NR5A1: variants seen among roughly 807,000 people sequenced by gnomAD.
The protein encoded by NR5A1 is nuclear receptor subfamily 5 group A member 1.
In NR5A1, 6 loss-of-function variants were observed where a neutral mutation model predicts 42.7. That is an observed-to-expected ratio of 0.14 (90% CI 0.08 to 0.28). The LOEUF is 0.28. Among genes scored for constraint, NR5A1 ranks in the 10% least tolerant of loss-of-function variants. The pLI is 1.00. For synonymous variants in NR5A1, 274 were observed against 277.5 expected (o/e 0.99, Z 0.12); for missense variants, 442 against 626.4 (o/e 0.71, Z 3.14).
intron 3 of NR5A1, among the ~76,000 whole-genome samples, chr9:124,502,657 G>A (rs150606905): frequency 0.011 from 1,680 of 152,354 alleles, 21 homozygotes; most frequent in South Asian, 0.042. Flanking sequence ...GAAATCTGCG[G>A]TTTAGAGAGG....
In NR5A1 at chr9:124,500,720, G is replaced by A. The variant is rs944556320; in HGVS notation, c.245-5C>T. On this transcript the variant is annotated splice_region_variant and splice_polypyrimidine_tract_variant and intron_variant, in intron 3 of 6. Transcript: ENST00000373588. The surrounding 1 kb of genome is among the most constrained non-coding windows in gnomAD (Gnocchi z 6.9). ...TCATACGGTCAGCGCGCACGGCTGTGGGCAGGGGCAGAGGGTCAGACTCAC... is the reference window on the plus strand; with the variant it reads ...TCATACGGTCAGCGCGCACGGCTGTAGGCAGGGGCAGAGGGTCAGACTCAC... The A allele has an allele frequency of 1.9e-6, 3 of 1,612,488 alleles. No individual in the cohort carries two copies. Among genetic ancestry groups the A allele is most frequent in the Non-Finnish European group, 2.5e-6 (3 of 1,180,038 alleles).
Position 124,482,398 on chromosome 9 carries a change from G to A in NR5A1, c.*360C>T, listed in dbSNP as rs1832139239. On this transcript the variant is annotated 3_prime_UTR_variant, in exon 7 of 7. Coordinates refer to ENST00000373588, the MANE Select transcript of NR5A1 (RefSeq NM_004959.5). ...AGGGATGACCTCTGATCCAAGGGAC[G>A]TCGAGGCCCACCAGGGAATCCCGAA... The A allele has an allele frequency of 8.3e-6, 3 of 362,284 alleles. No individual in the cohort carries two copies. Among genetic ancestry groups the A allele is most frequent in the Non-Finnish European group, 1.6e-5 (3 of 186,762 alleles). 22.4% of individuals were successfully genotyped at this position (362,284 alleles called of 1,614,324 possible).
chr9:124,493,892 A>G (rs1256326399), intron 4 of NR5A1, among the ~76,000 whole-genome samples: 7 of 152,170 alleles, frequency 4.6e-5, no homozygotes, highest in Non-Finnish European at 8.8e-5. Context: ...AGGACTCAGA[A>G]GCAGAGCCAG....
In NR5A1 at chr9:124,500,861, G is replaced by T; in HGVS notation, c.245-146C>A. On this transcript the variant is annotated intron_variant, in intron 3 of 6. Transcript: ENST00000373588. The surrounding 1 kb of genome is among the most constrained non-coding windows in gnomAD (Gnocchi z 6.9). Reference sequence around the variant, plus strand: ...CTCCCACTGACCACAGGGGAAGTCAGTCTCCTTTGCCTGGCATTCAAGGCC... The same window carrying T: ...CTCCCACTGACCACAGGGGAAGTCATTCTCCTTTGCCTGGCATTCAAGGCC... The T allele has an allele frequency of 7.6e-7, 1 of 1,308,282 alleles. No individual in the cohort carries two copies. The highest frequency in any genetic ancestry group is 1.1e-6 in the Non-Finnish European group (1 of 920,548). 81.0% of individuals were successfully genotyped at this position (1,308,282 alleles called of 1,614,324 possible).
Position 124,482,658 on chromosome 9 carries a change from T to G in NR5A1, c.*100A>C. 4.5e-6 allele frequency: 6 copies of G among 1,345,254 alleles called. No homozygotes were observed. Among genetic ancestry groups the G allele is most frequent in the Non-Finnish European group, 5.1e-6 (5 of 976,648 alleles). 83.3% of individuals were successfully genotyped at this position (1,345,254 alleles called of 1,614,324 possible). On this transcript the variant is annotated 3_prime_UTR_variant, in exon 7 of 7. Coordinates refer to ENST00000373588, the MANE Select transcript of NR5A1 (RefSeq NM_004959.5). ...CGGGGCTGGGGCTCCTCGGTGGGCA[T>G]CAGAAAATGAACCATGCGGAGCCAG...
Position 124,500,718 on chromosome 9 carries a change from G to A in NR5A1, c.245-3C>T. The A allele has an allele frequency of 6.2e-7, 1 of 1,612,680 alleles. No homozygotes were observed. The highest frequency in any genetic ancestry group is 1.1e-5 in the South Asian group (1 of 91,082). ...CCTCATACGGTCAGCGCGCACGGCT[G>A]TGGGCAGGGGCAGAGGGTCAGACTC... On this transcript the variant is annotated splice_region_variant and splice_polypyrimidine_tract_variant and intron_variant, in intron 3 of 6. Transcript: ENST00000373588. This position sits in a 1 kb window ranked among gnomAD's most constrained non-coding sequence, Gnocchi z 6.9.
chr9:124,503,034 C>T lies in NR5A1; in HGVS notation c.244+45G>A, dbSNP rs377234097. The stretch of plus-strand genomic sequence containing the variant: ...CTCTCCCACCCCCACCCCCTACCCC[C>T]TCAGGCTGTGGGGGGTCAGGGGTCG... On this transcript the variant is annotated intron_variant, in intron 3 of 6. Coordinates refer to ENST00000373588, the MANE Select transcript of NR5A1 (RefSeq NM_004959.5). The surrounding 1 kb of genome is among the most constrained non-coding windows in gnomAD (Gnocchi z 9.6). The T allele has an allele frequency of 1.3e-6, 2 of 1,538,286 alleles. No homozygotes were observed. Among genetic ancestry groups the T allele is most frequent in the Non-Finnish European group, 1.7e-6 (2 of 1,147,070 alleles).
At chr9:124,488,920 A>C (rs959560901) in intron 6 of NR5A1, among the ~76,000 whole-genome samples, 1 of 152,212 alleles carries the variant, frequency 6.6e-6, no homozygotes, top group Non-Finnish European at 1.5e-5. Flanking sequence ...CCAGCCCAGC[A>C]CTGGAGCCTC....
intron 5 of NR5A1, among the ~76,000 whole-genome samples, chr9:124,492,017 G>A (rs1564149915): frequency 6.6e-6 from 1 of 151,398 alleles, no homozygotes; most frequent in African/African-American, 2.5e-5. Flanking sequence ...ACACCCCCCT[G>A]GGACCAGTGC....
rs1042191255 is a variant in NR5A1, at chr9:124,482,672, A to G, written c.*86T>C. On this transcript the variant is annotated 3_prime_UTR_variant, in exon 7 of 7. Coordinates refer to ENST00000373588, the MANE Select transcript of NR5A1 (RefSeq NM_004959.5). The stretch of plus-strand genomic sequence containing the variant: ...CTCGGTGGGCATCAGAAAATGAACC[A>G]TGCGGAGCCAGCGGTGTGGCTGCGG... 1.4e-6 allele frequency: 2 copies of G among 1,447,556 alleles called. No homozygotes were observed. The highest frequency in any genetic ancestry group is 1.9e-6 in the Non-Finnish European group (2 of 1,068,328). 89.7% of individuals were successfully genotyped at this position (1,447,556 alleles called of 1,614,324 possible).
chr9:124,492,407 G>A (rs998235026), intron 5 of NR5A1, among the ~76,000 whole-genome samples: 3 of 150,962 alleles, frequency 2.0e-5, no homozygotes, highest in Admixed American at 6.6e-5. Flanking sequence ...GCTCTCCCCG[G>A]ACCCCTGCTG....
At chr9:124,502,957 A>C (rs1832490320) in intron 3 of NR5A1, 122 bp downstream of exon 3, 2 of 1,303,516 alleles carry the variant, frequency 1.5e-6, no homozygotes, top group Non-Finnish European at 2.1e-6. Flanking sequence ...ACTGGGCCCT[A>C]ATGTCGCACG....
Position 124,503,072 on chromosome 9 carries a change from C to T in NR5A1, c.244+7G>A. The T allele has an allele frequency of 6.4e-7, 1 of 1,568,228 alleles. No homozygotes were observed. The highest frequency in any genetic ancestry group is 8.6e-7 in the Non-Finnish European group (1 of 1,160,520). ...GGGTCAGGGGTCGAGGCCCGCGCGG[C>T]GCGCACCTTCCAGGCGCATCCCCAC... On this transcript the variant is annotated splice_region_variant and intron_variant, in intron 3 of 6. Transcript: ENST00000373588. The surrounding 1 kb of genome is among the most constrained non-coding windows in gnomAD (Gnocchi z 9.6).
rs7875999 is a variant in NR5A1, at chr9:124,482,112, T to C, written c.*646A>G. ...CAGTGATGCCTGGAGCAAAGTTTTTTCCCGATGATGTATCAATGCCCCCTC... is the reference window on the plus strand; with the variant it reads ...CAGTGATGCCTGGAGCAAAGTTTTTCCCCGATGATGTATCAATGCCCCCTC... On this transcript the variant is annotated 3_prime_UTR_variant, in exon 7 of 7. Transcript: ENST00000373588. The C allele has an allele frequency of 0.032, 4,904 of 153,874 alleles. 241 individuals carry two copies. The highest frequency in any genetic ancestry group is 0.11 in the African/African-American group (4,524 of 41,522). 9.5% of individuals were successfully genotyped at this position (153,874 alleles called of 1,614,324 possible).
In NR5A1 at chr9:124,496,370, C is replaced by T. The variant is rs969613152; in HGVS notation, c.871-3221G>A. On this transcript the variant is annotated intron_variant, in intron 4 of 6. Transcript: ENST00000373588. This position sits in a 1 kb window ranked among gnomAD's most constrained non-coding sequence, Gnocchi z 5.0. ...CTCCTCTACCCTCAGGCCTCCTTGT[C>T]GCCCTGGGAACAATGACATTTGCAG... Among the ~76,000 whole-genome samples the T allele has an allele frequency of 6.6e-5, 10 of 152,144 alleles. No homozygotes were observed. The South Asian group carries it at 8.3e-4, about 13-fold the overall frequency.
At chr9:124,504,471 G>A (rs1396334165) in intron 1 of NR5A1, among the ~76,000 whole-genome samples, 1 of 151,936 alleles carries the variant, frequency 6.6e-6, no homozygotes, top group Non-Finnish European at 1.5e-5. Context: ...AGCAGCGACG[G>A]CAACGGGAGG....
Position 124,496,320 on chromosome 9 carries a change from C to T in NR5A1, c.871-3171G>A, listed in dbSNP as rs530670407. 1.3e-4 allele frequency among the ~76,000 whole-genome samples: 20 copies of T among 152,264 alleles called. No individual in the cohort carries two copies. Among genetic ancestry groups the T allele is most frequent in the African/African-American group, 1.9e-4 (8 of 41,560 alleles). On this transcript the variant is annotated intron_variant, in intron 4 of 6. Coordinates refer to ENST00000373588, the MANE Select transcript of NR5A1 (RefSeq NM_004959.5). The surrounding 1 kb of genome is among the most constrained non-coding windows in gnomAD (Gnocchi z 5.0). ...CCAGAGAGGGTTGGTTTTCACTTTC[C>T]GAAGTTTCCTCCCTAAGCTAAAGGC...
At chr9:124,505,309 G>C (rs1275656323) in intron 1 of NR5A1, among the ~76,000 whole-genome samples, 1 of 152,236 alleles carries the variant, frequency 6.6e-6, no homozygotes, top group Non-Finnish European at 1.5e-5. Flanking sequence ...ATGCCACGCG[G>C]GTGGCTGGTC....
intron 6 of NR5A1, 45 bp downstream of exon 6, chr9:124,491,036 C>CCCCCCCACGGGGG: frequency 7.1e-7 from 1 of 1,401,600 alleles, no homozygotes; most frequent in Non-Finnish European, 9.6e-7. Flanking sequence ...CCCACCCACC[C>CCCCCCCACGGGGG]GCCTCTGGCT....
Sources: gnomAD v4.1 joint callset for allele counts (sites outside exome capture counted in the v4.1 genomes callset) on GRCh38, gnomAD v4.1.1 for gene constraint, Gnocchi (gnomAD v3.1) non-coding constraint, MANE v1.5 for transcripts, NCBI Gene and HGNC (gene_info 2026-07-23, HGNC 2026-07-21) for gene names.